The following NEB variants were observed in gnomAD, a reference collection of about 807,000 sequenced individuals.
NEB encodes the protein nebulin, also known as nemaline myopathy type 2.
Under a neutral mutation model 952.2 loss-of-function variants are expected in NEB, and 512 were observed. That is an observed-to-expected ratio of 0.54 (90% CI 0.50 to 0.58). The LOEUF (loss-of-function observed/expected upper bound fraction) is 0.58. Ranked by LOEUF, NEB falls within the 20% of genes least tolerant of loss-of-function variation. NEB has a pLI of 0.00. For missense variants in NEB, 8,428 were observed against 9,231.1 expected, an observed-to-expected ratio of 0.91 and a Z score of 3.56; for synonymous variants, 2,900 against 3,149.8, an observed-to-expected ratio of 0.92 and a Z score of 2.66.
chr2:151,697,209 A>C lies in NEB; in HGVS notation c.1409T>G (p.Phe470Cys), dbSNP rs1456922472. ...AEYEEDRGKG[F>C]FPQTITQEYE... is the part of the protein sequence containing the mutation. ...TTCTTGAGTTATGGTCTGAGGGAAG[A>C]AGCCTTTGCCTCTGTCTTCTTCGTA... Residue 470 changes from phenylalanine (F) to cysteine (C), a missense_variant, in exon 16 of 182, where the codon TTC (phenylalanine) becomes TGC (cysteine). Physicochemically the swap from Phe to Cys is radical, Grantham distance 205 (BLOSUM62 -2). This residue lies in a region of NEB where 2,851 missense variants were observed against 2,791.5 expected (regional missense o/e 1.02). Coordinates refer to ENST00000397345, the MANE Select transcript of NEB (RefSeq NM_001164508.2). 1 of 1,613,860 alleles carries C rather than the reference A, an allele frequency of 6.2e-7. No homozygotes were observed. The highest frequency in any genetic ancestry group is 2.2e-5 in the East Asian group (1 of 44,872).
Position 151,490,372 on chromosome 2 carries a change from C to T in NEB, c.25297G>A (p.Ala8433Thr). 1 of 1,587,618 alleles carries T rather than the reference C, an allele frequency of 6.3e-7. No individual in the cohort carries two copies. The highest frequency in any genetic ancestry group is 8.6e-7 in the Non-Finnish European group (1 of 1,165,874). ...CAAAATCAGCGCCAGGCACTTGTAC[C>T]TGTTGAGACTGCAAAGACACCCCCG... ...SDGGVFAVST[A>T]YKHAKTTELP... is the part of the protein sequence containing the mutation. The change falls in exon 180 of 182, where the codon GCT becomes ACT. Residue 8433 changes from alanine to threonine, a missense_variant and splice_region_variant. Physicochemically the swap from Ala to Thr is moderately conservative, Grantham distance 58. Coordinates refer to ENST00000397345, the MANE Select transcript of NEB (RefSeq NM_001164508.2).
chr2:151,495,046 C>G (rs569300032), intron 173 of NEB: 14 of 152,346 alleles, frequency 9.2e-5, no homozygotes, highest in Admixed American at 3.3e-4. Flanking sequence ...AAGGGTTTCC[C>G]CTACCCTCTT....
chr2:151,661,768 A>G (rs985290925), intron 46 of NEB, among the ~76,000 whole-genome samples: 4 of 152,192 alleles, frequency 2.6e-5, no homozygotes, highest in Non-Finnish European at 4.4e-5. Flanking sequence ...GCAGAAAGCA[A>G]GCTGGGGTTT....
At chr2:151,660,424 T>C (rs957237082) in intron 46 of NEB, among the ~76,000 whole-genome samples, 2 of 152,242 alleles carry the variant, frequency 1.3e-5, no homozygotes, top group South Asian at 2.1e-4. Flanking sequence ...TAATGATACC[T>C]GAGTTTTAAA....
rs6713162 is a variant in NEB, at chr2:151,640,012, A to G, written c.8734T>C (p.Ser2912Pro). Residue 2912 changes from serine (S) to proline (P), a missense_variant, in exon 62 of 182, where the codon TCC becomes CCC. Around this residue, in one of 11 missense-constraint regions of NEB, gnomAD observed 1,772 missense variants for 1,960.3 expected, o/e 0.90. Coordinates refer to ENST00000397345, the MANE Select transcript of NEB (RefSeq NM_001164508.2). ...LQWMRGIGWV[S>P]IGSLDVEKCK... is the part of the protein sequence containing the mutation. ...TTTTCCACATCCAAAGAGCCAATGG[A>G]CACCCAGCCAATGCCTCTCATCCAC... 333,664 of 1,613,564 alleles carry G rather than the reference A, an allele frequency of 0.21. 49,168 individuals are homozygous for G. Among genetic ancestry groups the G allele is most frequent in the African/African-American group, 0.64 (47,822 of 74,930 alleles).
At chr2:151,534,372 A>C in intron 142 of NEB, 1 of 1,501,338 alleles carries the variant, frequency 6.7e-7, no homozygotes, top group Non-Finnish European at 9.2e-7. Context: ...AAGGCTACAC[A>C]AAAATGTCTC....
At chr2:151,530,683 T>C (rs1466205481) in intron 145 of NEB, 4 of 237,790 alleles carry the variant, frequency 1.7e-5, no homozygotes, top group Non-Finnish European at 3.2e-5. Context: ...CATGAAGGGG[T>C]TCCTGTCTCG....
intron 78 of NEB, 86 bp from the exon 79 acceptor site, chr2:151,610,952 A>ATT: frequency 1.2e-6 from 1 of 823,088 alleles, no homozygotes; most frequent in Non-Finnish European, 1.9e-6. Context: ...TACAGTTGTT[A>ATT]GCAAATTTAA....
chr2:151,647,472 A>G (rs77044468), intron 54 of NEB, among the ~76,000 whole-genome samples: 1 of 152,184 alleles, frequency 6.6e-6, no homozygotes, highest in East Asian at 1.9e-4. Context: ...TCCCTGCCAG[A>G]TTACTTATCA....
In NEB at chr2:151,548,431, C is replaced by G; in HGVS notation, c.20050-16G>C. 6.6e-7 allele frequency: 1 copy of G among 1,511,614 alleles called. No individual in the cohort carries two copies. Among genetic ancestry groups the G allele is most frequent in the South Asian group, 1.1e-5 (1 of 88,824 alleles). The allele number at this position is 1,511,614 out of a possible 1,614,324, so 93.6% of individuals were successfully genotyped here. A position where few individuals can be genotyped will look rare whatever the true frequency, so the allele number is the denominator to read the frequency against. On this transcript the variant is annotated splice_polypyrimidine_tract_variant and intron_variant, in intron 130 of 181. Coordinates refer to ENST00000397345, the MANE Select transcript of NEB (RefSeq NM_001164508.2). ...TGTACTTGAACTGCAAAAGCAAAGT[C>G]AGAATGAGATCAATGATGGGTAAAC...
intron 24 of NEB, chr2:151,690,471 T>A: frequency 2.7e-6 from 1 of 371,888 alleles, no homozygotes. Flanking sequence ...TGACAGATCC[T>A]AATGAATAAG....
At chr2:151,575,935 C>T (rs1027698056) in intron 106 of NEB, 136 bp from the exon 107 acceptor site, 1 of 783,002 alleles carries the variant, frequency 1.3e-6, no homozygotes, top group African/African-American at 1.7e-5. Context: ...GGAATCTTTT[C>T]ACGTAAGTTA....
At position 151,709,653 on chromosome 2, in the gene NEB, T is replaced by C. The variant is rs1451916452; in HGVS notation, c.1035+3A>G. The C allele has an allele frequency of 6.3e-7, 1 of 1,580,484 alleles. No homozygotes were observed. ...CAAGATAAATGGGATGATTTCCTCATACCTTGCTAGCTGCCACACCAGCTT... is the reference window on the plus strand; with the variant it reads ...CAAGATAAATGGGATGATTTCCTCACACCTTGCTAGCTGCCACACCAGCTT... On this transcript the variant is annotated splice_donor_region_variant and intron_variant, in intron 12 of 181. Transcript: ENST00000397345.
chr2:151,688,540 C>A, intron 24 of NEB, 144 bp from the exon 25 acceptor site: 1 of 674,046 alleles, frequency 1.5e-6, no homozygotes, highest in Non-Finnish European at 2.6e-6. Context: ...GCACAGGATT[C>A]AAACTTTCAT....
At chr2:151,628,652 C>A (rs1276923691) in intron 68 of NEB, among the ~76,000 whole-genome samples, 1 of 151,982 alleles carries the variant, frequency 6.6e-6, no homozygotes, top group African/African-American at 2.4e-5. Context: ...ACCAGCCTAG[C>A]CAACATGGTG....
At chr2:151,493,908 A>T in intron 174 of NEB, 41 bp from the exon 175 acceptor site, 2 of 1,307,408 alleles carry the variant, frequency 1.5e-6, no homozygotes, top group Non-Finnish European at 2.1e-6. Context: ...ACTACGAGGT[A>T]ATAATCACTA....
intron 105 of NEB, among the ~76,000 whole-genome samples, chr2:151,577,645 C>T (rs949876152): frequency 8.5e-5 from 13 of 152,218 alleles, no homozygotes; most frequent in African/African-American, 2.9e-4. Flanking sequence ...CAGTGGCAAT[C>T]TCGGCTCACT....
chr2:151,528,500 C>T (rs1482374454), intron 146 of NEB, among the ~76,000 whole-genome samples: 3 of 152,160 alleles, frequency 2.0e-5, no homozygotes, highest in Admixed American at 1.3e-4. Flanking sequence ...TGCTTTATCT[C>T]ACATCTGTCC....
chr2:151,613,540 C>T (rs1036683862), intron 77 of NEB, among the ~76,000 whole-genome samples: 5 of 152,186 alleles, frequency 3.3e-5, no homozygotes, highest in African/African-American at 4.8e-5. Flanking sequence ...ATTGACACTA[C>T]ACCTGACTTT....
Sources: gnomAD v4.1 joint callset for allele counts (sites outside exome capture counted in the v4.1 genomes callset) on GRCh38, gnomAD v4.1.1 for gene constraint, gnomAD v4.1.1 regional missense constraint, MANE v1.5 for transcripts, NCBI Gene and HGNC (gene_info 2026-07-23, HGNC 2026-07-21) for gene names.